The following OR2C1 variants were observed in gnomAD, a reference collection of about 807,000 sequenced individuals.
OR2C1 encodes olfactory receptor 2C1.
For synonymous variants in OR2C1, 209 were observed against 167.3 expected (o/e 1.25, Z -1.92); for missense variants, 468 against 388.3 (o/e 1.21, Z -1.73).
upstream of OR2C1, among the ~76,000 whole-genome samples, chr16:3,352,019 CTTGA>C (rs1199392584): frequency 4.6e-5 from 7 of 151,780 alleles, no homozygotes; most frequent in Non-Finnish European, 7.4e-5. Flanking sequence ...TTTAAAGGAG[CTTGA>C]TTGTTTTCCC....
the OR2C1 span, among the ~76,000 whole-genome samples, chr16:3,347,034 C>T: frequency 6.6e-6 from 1 of 150,424 alleles, no homozygotes; most frequent in South Asian, 2.1e-4. Context: ...CATTTGAGGC[C>T]AGGAGTTCAA....
chr16:3,333,927 C>G, the OR2C1 span, among the ~76,000 whole-genome samples: 2 of 151,890 alleles, frequency 1.3e-5, no homozygotes, highest in African/African-American at 4.8e-5. Context: ...TATCCACTTT[C>G]CCAAGCACCA....
At chr16:3,326,165 G>A in the OR2C1 span, among the ~76,000 whole-genome samples, 3,058 of 151,912 alleles carry the variant, frequency 0.02, 59 homozygotes, top group Non-Finnish European at 0.032. Context: ...TCCAGACCTC[G>A]TGATTGGCCC....
chr16:3,354,835 G>C (rs1353107599), upstream of OR2C1, among the ~76,000 whole-genome samples: 1 of 152,140 alleles, frequency 6.6e-6, no homozygotes, highest in Non-Finnish European at 1.5e-5. Context: ...GAGTACAGGG[G>C]CTCACTGCTG....
the OR2C1 span, among the ~76,000 whole-genome samples, chr16:3,324,769 G>GTA: frequency 2.0e-5 from 3 of 151,768 alleles, no homozygotes; most frequent in African/African-American, 7.3e-5. Flanking sequence ...ACACACACAC[G>GTA]TATATATATG....
chr16:3,338,555 T>TTTTTTTTTTTTTTTAA, the OR2C1 span, among the ~76,000 whole-genome samples: 1 of 140,646 alleles, frequency 7.1e-6, no homozygotes, highest in Non-Finnish European at 1.6e-5. Flanking sequence ...TTTTTTTTTT[T>TTTTTTTTTTTTTTTAA]GAAACGGAGT....
the OR2C1 span, chr16:3,322,964 C>A: frequency 4.1e-6 from 4 of 983,866 alleles, no homozygotes; most frequent in Non-Finnish European, 4.8e-6. Flanking sequence ...AGGAGGCAGC[C>A]AATGTAGAAA....
At chr16:3,332,931 T>G in the OR2C1 span, among the ~76,000 whole-genome samples, 1 of 152,102 alleles carries the variant, frequency 6.6e-6, no homozygotes, top group Non-Finnish European at 1.5e-5. Flanking sequence ...AGTTCTATTT[T>G]TAGTTTTTTT....
chr16:3,325,930 CTTTTTTT>C, the OR2C1 span, among the ~76,000 whole-genome samples: 1 of 127,990 alleles, frequency 7.8e-6, no homozygotes, highest in Non-Finnish European at 1.7e-5. Flanking sequence ...CAAGTGCATT[CTTTTTTT>C]TTTTTTTTTT....
At chr16:3,344,737 AT>A in the OR2C1 span, among the ~76,000 whole-genome samples, 11 of 98,790 alleles carry the variant, frequency 1.1e-4, no homozygotes, top group African/African-American at 2.7e-4. Flanking sequence ...CAAAAAAAAA[AT>A]TTTTTTTGAT....
the OR2C1 span, among the ~76,000 whole-genome samples, chr16:3,334,397 A>G: frequency 6.6e-6 from 1 of 151,326 alleles, no homozygotes; most frequent in Admixed American, 6.6e-5. Flanking sequence ...CGGCTTCCCA[A>G]AGTGCTGGGA....
upstream of OR2C1, among the ~76,000 whole-genome samples, chr16:3,354,927 A>G (rs748460610): frequency 3.3e-5 from 5 of 151,792 alleles, no homozygotes; most frequent in Non-Finnish European, 7.4e-5. Flanking sequence ...ACCATGCCTG[A>G]CTGAAATTTC....
the OR2C1 span, among the ~76,000 whole-genome samples, chr16:3,338,797 A>G: frequency 6.6e-6 from 1 of 151,998 alleles, no homozygotes; most frequent in Non-Finnish European, 1.5e-5. Context: ...CGGCCTCCCA[A>G]AGTGCTGGGA....
At chr16:3,323,041 C>CT in the OR2C1 span, 314 of 528,164 alleles carry the variant, frequency 5.9e-4, no homozygotes, top group Middle Eastern at 9.9e-4. Context: ...AAGCTACTGT[C>CT]TTTTTTTTTA....
At chr16:3,331,756 G>T in the OR2C1 span, among the ~76,000 whole-genome samples, 1 of 151,566 alleles carries the variant, frequency 6.6e-6, no homozygotes, top group African/African-American at 2.4e-5. Context: ...AAATCATGCT[G>T]CTATAAAGGC....
the OR2C1 span, among the ~76,000 whole-genome samples, chr16:3,337,221 C>G: frequency 8.6e-5 from 13 of 151,362 alleles, no homozygotes. Context: ...GTGGTGCAAT[C>G]TCTGCTCACT....
chr16:3,338,040 AT>A, the OR2C1 span, among the ~76,000 whole-genome samples: 1 of 152,110 alleles, frequency 6.6e-6, no homozygotes, highest in Admixed American at 6.6e-5. Flanking sequence ...GCTCTAGTGA[AT>A]GATTGCAGCA....
the OR2C1 span, among the ~76,000 whole-genome samples, chr16:3,334,912 G>A: frequency 0.48 from 72,570 of 151,486 alleles, 18,187 homozygotes; most frequent in East Asian, 0.61. Flanking sequence ...TCCGCCTCCC[G>A]AGTTCAAGTG....
the OR2C1 span, among the ~76,000 whole-genome samples, chr16:3,332,720 C>CATATATATATATATAT: frequency 2.9e-3 from 435 of 148,706 alleles, 2 homozygotes; most frequent in Middle Eastern, 7.1e-3. Flanking sequence ...TATTCTATTG[C>CATATATATATATATAT]ATATATATAT....
Sources: allele counts gnomAD v4.1 joint callset (sites outside exome capture counted in the v4.1 genomes callset), GRCh38; gene constraint gnomAD v4.1.1; transcripts MANE v1.5; gene names NCBI Gene and HGNC (gene_info 2026-07-23, HGNC 2026-07-21).